The following RAF1 variants were observed in gnomAD, a reference collection of about 807,000 sequenced individuals.
The protein encoded by RAF1 is Raf-1 proto-oncogene, serine/threonine kinase.
A neutral mutation model predicts 81.1 loss-of-function variants in RAF1; 27 were observed. That is an observed-to-expected ratio of 0.33 (90% CI 0.25 to 0.46). The LOEUF (loss-of-function observed/expected upper bound fraction) is 0.46. Among genes scored for constraint, RAF1 ranks in the 20% least tolerant of loss-of-function variants. The probability of loss-of-function intolerance (pLI) is 1.00; values close to 1 mark genes in which losing one functional copy is unlikely to be tolerated. For missense variants in RAF1, 598 were observed against 826.0 expected, an observed-to-expected ratio of 0.72 and a Z score of 3.38; for synonymous variants, 298 against 294.0, an observed-to-expected ratio of 1.01 and a Z score of -0.14.
At chr3:12,590,410 G>GC (rs2058475740) in intron 13 of RAF1, 1 of 74,728 alleles carries the variant, frequency 1.3e-5, no homozygotes, top group Non-Finnish European at 2.4e-5. Flanking sequence ...CGCAACCTCT[G>GC]CTTTCCAATG....
chr3:12,602,357 C>A (rs748453842), intron 8 of RAF1, among the ~76,000 whole-genome samples: 1 of 152,166 alleles, frequency 6.6e-6, no homozygotes, highest in Non-Finnish European at 1.5e-5. Flanking sequence ...TGATTAGGCA[C>A]AACAATTGTG....
At chr3:12,663,077 G>C (rs1407587477) in intron 1 of RAF1, among the ~76,000 whole-genome samples, 2 of 152,078 alleles carry the variant, frequency 1.3e-5, no homozygotes, top group African/African-American at 2.4e-5. Context: ...CGAGAACAAT[G>C]AATGAACACG....
chr3:12,586,285 A>G (rs1249844005), intron 14 of RAF1, among the ~76,000 whole-genome samples: 1 of 152,216 alleles, frequency 6.6e-6, no homozygotes, highest in Non-Finnish European at 1.5e-5. Flanking sequence ...TGAGTGTTCA[A>G]TGTTGTAGTA....
At position 12,600,190 on chromosome 3, in the gene RAF1, G is replaced by A. The variant is rs759433668; in HGVS notation, c.1012C>T (p.Arg338Trp). Residue 338 changes from arginine (R) to tryptophan (W), a missense_variant, in exon 10 of 18, where the codon CGG becomes TGG. By Grantham distance (101) the Arg-to-Trp change is moderately radical. Transcript: ENST00000442415. ...TCCTGGGTCCCAGATACTGGTGCCC[G>A]CTCTCTTTGTGCTGGCACGGGGGTT... The A allele has an allele frequency of 2.8e-5, 45 of 1,614,006 alleles. No individual in the cohort carries two copies. Among genetic ancestry groups the A allele is most frequent in the East Asian group, 6.7e-5 (3 of 44,888 alleles).
intron 11 of RAF1, among the ~76,000 whole-genome samples, chr3:12,594,636 C>A (rs141709533): frequency 1.3e-5 from 2 of 152,356 alleles, no homozygotes; most frequent in East Asian, 3.9e-4. Flanking sequence ...CATTAAGCCA[C>A]ATCTTCCCCC....
intron 1 of RAF1, among the ~76,000 whole-genome samples, chr3:12,633,274 A>G (rs1033701307): frequency 6.6e-6 from 1 of 152,088 alleles, no homozygotes; most frequent in African/African-American, 2.4e-5. Context: ...TGAACCCAGG[A>G]GTTCAAGACC....
intron 1 of RAF1, among the ~76,000 whole-genome samples, chr3:12,649,553 C>A (rs908979351): frequency 6.6e-6 from 1 of 151,278 alleles, no homozygotes; most frequent in Non-Finnish European, 1.5e-5. Flanking sequence ...GAGCTATGAT[C>A]GTGCCACTGC....
At chr3:12,587,213 T>A (rs1031706488) in intron 14 of RAF1, 2 of 242,416 alleles carry the variant, frequency 8.3e-6, no homozygotes, top group Non-Finnish European at 1.6e-5. Flanking sequence ...AACAAGCAGA[T>A]AGACATACAC....
In RAF1 at chr3:12,604,159, G is replaced by A. The variant is rs1458313379; in HGVS notation, c.811C>T (p.Pro271Ser). 1 of 1,614,016 alleles carries A rather than the reference G, an allele frequency of 6.2e-7. No individual in the cohort carries two copies. The highest frequency in any genetic ancestry group is 2.2e-5 in the East Asian group (1 of 44,900). The stretch of plus-strand genomic sequence containing the variant: ...ACCTCAATCATCCTGCTGTCCACAG[G>A]CAGGGTGGTGCTGACCATGTGGACA... Residue 271 changes from proline to serine, a missense_variant, in exon 7 of 18, where the codon CCT (proline) becomes TCT (serine). By Grantham distance (74) the Pro-to-Ser change is moderately conservative. This residue lies in a region of RAF1 where 194 missense variants were observed against 202.7 expected (regional missense o/e 0.96). Coordinates refer to ENST00000442415, the MANE Select transcript of RAF1 (RefSeq NM_001354689.3).
intron 8 of RAF1, chr3:12,603,337 A>C (rs2058922166): frequency 1.8e-6 from 1 of 545,682 alleles, no homozygotes; most frequent in Admixed American, 3.1e-5. Flanking sequence ...AAAAGAAAGA[A>C]AGAAAAAGAA....
At chr3:12,594,738 T>C (rs2058632334) in intron 11 of RAF1, among the ~76,000 whole-genome samples, 1 of 152,218 alleles carries the variant, frequency 6.6e-6, no homozygotes, top group Non-Finnish European at 1.5e-5. Context: ...GTTGAACTCT[T>C]CTCGCTTTTC....
At chr3:12,635,577 A>G (rs1437338522) in intron 1 of RAF1, among the ~76,000 whole-genome samples, 1 of 144,146 alleles carries the variant, frequency 6.9e-6, no homozygotes, top group Non-Finnish European at 1.5e-5. Context: ...CAGAGGTTGC[A>G]GTGAGCCGAG....
intron 15 of RAF1, 188 bp downstream of exon 14, chr3:12,585,493 T>C: frequency 1.3e-5 from 12 of 949,790 alleles, no homozygotes; most frequent in Non-Finnish European, 1.5e-5. Flanking sequence ...CTCTCCACAC[T>C]AAGCTTCACA....
intron 2 of RAF1, among the ~76,000 whole-genome samples, chr3:12,617,946 G>A (rs1286148577): frequency 1.3e-5 from 2 of 151,562 alleles, no homozygotes; most frequent in Non-Finnish European, 2.9e-5. Context: ...GCAGTGTCCT[G>A]CCATGATGCC....
rs1008948465 is a variant in RAF1, at chr3:12,596,986, C to T, written c.1168+2705G>A. ...CGATCTCGGCTCACTGTAAGCTCTG[C>T]CTCCCGGGTTCACGCCATTCTCCTG... On this transcript the variant is annotated intron_variant, in intron 11 of 17. Coordinates refer to ENST00000442415, the MANE Select transcript of RAF1 (RefSeq NM_001354689.3). Among the ~76,000 whole-genome samples, 144 of 151,942 alleles carry T rather than the reference C, an allele frequency of 9.5e-4. 1 individual carries two copies. Among genetic ancestry groups the T allele is most frequent in the East Asian group, 3.9e-4 (2 of 5,154 alleles).
At chr3:12,644,058 G>A (rs2060271549) in intron 1 of RAF1, among the ~76,000 whole-genome samples, 4 of 152,120 alleles carry the variant, frequency 2.6e-5, no homozygotes, top group Admixed American at 2.6e-4. Context: ...GAAAGGTTTT[G>A]CTGGTTTTTT....
chr3:12,599,870 G>A, intron 10 of RAF1, 62 bp from the exon 10 acceptor site: 1 of 1,309,264 alleles, frequency 7.6e-7, no homozygotes, highest in Non-Finnish European at 1.1e-6. Flanking sequence ...TGATAATGAG[G>A]GCATCAAAGG....
At position 12,647,253 on chromosome 3, in the gene RAF1, G is replaced by A. The variant is rs1009190474; in HGVS notation, c.-27+16560C>T. ...GAAGGCTGCAGTGAGCTGAGATCGC[G>A]CCACTGCACTCCAGCCTGGGCGACA... On this transcript the variant is annotated intron_variant, in intron 1 of 17. Transcript: ENST00000442415. Among the ~76,000 whole-genome samples, 28 of 147,228 alleles carry A rather than the reference G, an allele frequency of 1.9e-4. No homozygotes were observed. The South Asian group carries it at 2.6e-3, about 14-fold the overall frequency.
chr3:12,592,950 A>T (rs1414110516), intron 11 of RAF1, among the ~76,000 whole-genome samples: 2 of 151,624 alleles, frequency 1.3e-5, no homozygotes, highest in African/African-American at 4.8e-5. Flanking sequence ...CATGTTAGCC[A>T]GGATGGTCTC....
Sources: gnomAD v4.1 joint callset for allele counts (sites outside exome capture counted in the v4.1 genomes callset) on GRCh38, gnomAD v4.1.1 for gene constraint, gnomAD v4.1.1 regional missense constraint, MANE v1.5 for transcripts, NCBI Gene and HGNC (gene_info 2026-07-23, HGNC 2026-07-21) for gene names.